MBOAT2: variants seen among roughly 807,000 people sequenced by gnomAD.
MBOAT2 encodes membrane bound glycerophospholipid O-acyltransferase 2, also known as membrane-bound glycerophospholipid O-acyltransferase 2.
In MBOAT2, 28 loss-of-function variants were observed where a neutral mutation model predicts 63.4. That is an observed-to-expected ratio of 0.44 (90% CI 0.33 to 0.61). The LOEUF is 0.61. Ranked by LOEUF, MBOAT2 falls within the 20% of genes least tolerant of loss-of-function variation. The probability of loss-of-function intolerance (pLI) is 0.03; values close to 1 mark genes in which losing one functional copy is unlikely to be tolerated. For missense variants in MBOAT2, 470 were observed against 605.8 expected, an observed-to-expected ratio of 0.78 and a Z score of 2.35; for synonymous variants, 211 against 215.6, an observed-to-expected ratio of 0.98 and a Z score of 0.19.
chr2:8,996,350 A>G (rs1573284624), intron 1 of MBOAT2, among the ~76,000 whole-genome samples: 1 of 142,124 alleles, frequency 7.0e-6, no homozygotes, highest in Non-Finnish European at 1.6e-5. Flanking sequence ...AAGGAGTCTG[A>G]CAACAGGTTT....
intron 9 of MBOAT2, among the ~76,000 whole-genome samples, chr2:8,865,516 A>T (rs1026825000): frequency 1.3e-5 from 2 of 152,000 alleles, no homozygotes; most frequent in Non-Finnish European, 2.9e-5. Flanking sequence ...CTCTCCTTCA[A>T]CTGTAGGAGA....
intron 1 of MBOAT2, among the ~76,000 whole-genome samples, chr2:9,002,468 C>A (rs2103393564): frequency 6.6e-6 from 1 of 152,348 alleles, no homozygotes; most frequent in South Asian, 2.1e-4. Context: ...ACAGCAGCAC[C>A]TTCAAGTTCA....
At chr2:8,877,765 G>A (rs901796268) in intron 6 of MBOAT2, among the ~76,000 whole-genome samples, 1 of 152,226 alleles carries the variant, frequency 6.6e-6, no homozygotes, top group South Asian at 2.1e-4. Flanking sequence ...CAGAGACCAG[G>A]AAGAAGTGAG....
intron 3 of MBOAT2, among the ~76,000 whole-genome samples, chr2:8,914,378 AT>A: frequency 6.6e-6 from 1 of 152,216 alleles, no homozygotes; most frequent in East Asian, 1.9e-4. Flanking sequence ...TCATTTGCCA[AT>A]AATGTGAACA....
intron 4 of MBOAT2, among the ~76,000 whole-genome samples, chr2:8,902,966 T>C (rs963280108): frequency 2.1e-4 from 32 of 152,290 alleles, no homozygotes; most frequent in African/African-American, 7.2e-4. Context: ...GACTGGTCCA[T>C]TTTACAGAGT....
intron 4 of MBOAT2, among the ~76,000 whole-genome samples, chr2:8,898,631 G>A (rs1664671377): frequency 6.6e-6 from 1 of 152,230 alleles, no homozygotes; most frequent in Admixed American, 6.5e-5. Context: ...AGAGTGCCTG[G>A]ACTTGAGAAG....
chr2:8,860,240 C>G (rs886535113), intron 12 of MBOAT2, among the ~76,000 whole-genome samples: 1 of 151,946 alleles, frequency 6.6e-6, no homozygotes, highest in African/African-American at 2.4e-5. Context: ...GGTTTTTTCC[C>G]CAAAGAAGTT....
At chr2:8,954,841 C>G (rs370537411) in intron 2 of MBOAT2, among the ~76,000 whole-genome samples, 1 of 152,170 alleles carries the variant, frequency 6.6e-6, no homozygotes, top group Non-Finnish European at 1.5e-5. Context: ...AACAGGTGCT[C>G]CAAATGTCTG....
chr2:8,989,745 C>T (rs1236141931), intron 1 of MBOAT2, among the ~76,000 whole-genome samples: 1 of 152,224 alleles, frequency 6.6e-6, no homozygotes, highest in Admixed American at 6.5e-5. Context: ...ATGACAAACT[C>T]TCTAGCAACT....
chr2:8,972,711 C>T (rs1327781545), intron 1 of MBOAT2, among the ~76,000 whole-genome samples: 4 of 151,836 alleles, frequency 2.6e-5, no homozygotes, highest in African/African-American at 4.8e-5. Flanking sequence ...GGGCGAAGGA[C>T]ATGAACAGAC....
At chr2:8,868,678 G>A in intron 8 of MBOAT2, 129 bp from the exon 9 acceptor site, 3 of 738,738 alleles carry the variant, frequency 4.1e-6, no homozygotes, top group Non-Finnish European at 6.5e-6. Flanking sequence ...TGATTTTTAA[G>A]TCAGAAACAA....
chr2:8,888,202 T>A (rs1663706078), intron 4 of MBOAT2, 129 bp from the exon 5 acceptor site: 1 of 784,126 alleles, frequency 1.3e-6, no homozygotes, highest in Admixed American at 2.7e-5. Context: ...AAAAAAGACC[T>A]CCAAGGGATT....
At chr2:8,943,713 A>C (rs1392411500) in intron 2 of MBOAT2, among the ~76,000 whole-genome samples, 1 of 152,228 alleles carries the variant, frequency 6.6e-6, no homozygotes, top group Non-Finnish European at 1.5e-5. Context: ...CTGACAAAAC[A>C]ACAAAAAGTG....
chr2:8,954,860 C>T (rs1253494155), intron 2 of MBOAT2, among the ~76,000 whole-genome samples: 2 of 152,158 alleles, frequency 1.3e-5, no homozygotes, highest in Non-Finnish European at 2.9e-5. Context: ...TGGATTTCTG[C>T]CTGGGAGTGG....
intron 2 of MBOAT2, 135 bp from the exon 3 acceptor site, chr2:8,943,399 C>T: frequency 2.0e-6 from 1 of 492,134 alleles, no homozygotes. Context: ...ACTTCAGGAG[C>T]TTAAAATCCT....
chr2:8,870,173 T>C (rs1021851219), intron 8 of MBOAT2, among the ~76,000 whole-genome samples: 2 of 152,298 alleles, frequency 1.3e-5, no homozygotes, highest in Non-Finnish European at 2.9e-5. Flanking sequence ...ATGGACTAAA[T>C]GTTTTTCAAA....
chr2:8,989,440 C>A (rs572482991), intron 1 of MBOAT2, among the ~76,000 whole-genome samples: 1 of 152,204 alleles, frequency 6.6e-6, no homozygotes, highest in African/African-American at 2.4e-5. Flanking sequence ...CAAAAAAAAT[C>A]TTCAAATAAG....
intron 3 of MBOAT2, among the ~76,000 whole-genome samples, chr2:8,912,265 T>G (rs1665760097): frequency 7.9e-6 from 1 of 126,378 alleles, no homozygotes; most frequent in East Asian, 2.3e-4. Flanking sequence ...CAGACAGACA[T>G]AGAGAAAGAC....
intron 12 of MBOAT2, 146 bp from the exon 13 acceptor site, chr2:8,859,050 G>A: frequency 1.5e-6 from 1 of 659,980 alleles, no homozygotes. Flanking sequence ...TCCCCCTCAG[G>A]AGAAGAAACC....
Sources: allele counts gnomAD v4.1 joint callset (sites outside exome capture counted in the v4.1 genomes callset), GRCh38; gene constraint gnomAD v4.1.1; transcripts MANE v1.5; gene names NCBI Gene and HGNC (gene_info 2026-07-23, HGNC 2026-07-21).